Variants in ADGRL3 observed in about 807,000 individuals in gnomAD.
ADGRL3 encodes the protein adhesion G protein-coupled receptor L3, also known as calcium-independent alpha-latrotoxin receptor 3.
A neutral mutation model predicts 153.5 loss-of-function variants in ADGRL3; 62 were observed. The ratio of observed to expected loss-of-function variants is 0.40; its 90% CI spans 0.33 to 0.50. The LOEUF (loss-of-function observed/expected upper bound fraction) is 0.50. ADGRL3 is among the 20% of genes least tolerant of loss of function. The probability of loss-of-function intolerance (pLI) is 0.47; values close to 1 mark genes in which losing one functional copy is unlikely to be tolerated. For missense variants in ADGRL3, 1,641 were observed against 1,859.4 expected, an observed-to-expected ratio of 0.88 and a Z score of 2.16; for synonymous variants, 710 against 672.5, an observed-to-expected ratio of 1.06 and a Z score of -0.86.
chr4:62,073,719 G>A lies in ADGRL3; in HGVS notation c.*2811G>A, dbSNP rs1746339758. On this transcript the variant is annotated 3_prime_UTR_variant, in exon 27 of 27. Coordinates refer to ENST00000683033, the MANE Select transcript of ADGRL3 (RefSeq NM_001387552.1). ...CAAGCTCTACATAGACCAAACTGAAGAAAGATCACTTGAATACACAAACTG... is the reference window on the plus strand; with the variant it reads ...CAAGCTCTACATAGACCAAACTGAAAAAAGATCACTTGAATACACAAACTG... 6.6e-6 allele frequency: 1 copy of A among 152,030 alleles called. No individual in the cohort carries two copies. Among genetic ancestry groups the A allele is most frequent in the East Asian group, 1.9e-4 (1 of 5,156 alleles). 9.4% of individuals were successfully genotyped at this position (152,030 alleles called of 1,614,324 possible).
At chr4:61,598,977 G>T (rs1308572026) in intron 5 of ADGRL3, among the ~76,000 whole-genome samples, 1 of 152,124 alleles carries the variant, frequency 6.6e-6, no homozygotes, top group Non-Finnish European at 1.5e-5. Flanking sequence ...GGAAAACTTA[G>T]CTTTTGCTCT....
intron 25 of ADGRL3, among the ~76,000 whole-genome samples, chr4:62,064,340 A>G (rs903875583): frequency 1.3e-5 from 2 of 151,914 alleles, no homozygotes; most frequent in African/African-American, 4.8e-5. Context: ...TATCTCAGAA[A>G]AAAAAAAACC....
chr4:61,995,092 C>T (rs186949617), intron 19 of ADGRL3, among the ~76,000 whole-genome samples: 6 of 151,634 alleles, frequency 4.0e-5, no homozygotes, highest in Admixed American at 3.3e-4. Context: ...TTTGCAGACA[C>T]AAGGTTTTGC....
At chr4:61,294,246 C>T (rs2150213224) in intron 1 of ADGRL3, among the ~76,000 whole-genome samples, 1 of 152,234 alleles carries the variant, frequency 6.6e-6, no homozygotes, top group Middle Eastern at 3.4e-3. Flanking sequence ...CAGCTGAGTA[C>T]ATGTGTGGTG....
chr4:61,787,891 C>T (rs897994580), intron 8 of ADGRL3, among the ~76,000 whole-genome samples: 8 of 150,456 alleles, frequency 5.3e-5, no homozygotes, highest in Non-Finnish European at 8.8e-5. Flanking sequence ...AAACAGAGCA[C>T]ATAAATTAAA....
intron 9 of ADGRL3, among the ~76,000 whole-genome samples, chr4:61,838,402 G>A (rs1473343308): frequency 6.6e-6 from 1 of 152,142 alleles, no homozygotes; most frequent in Non-Finnish European, 1.5e-5. Flanking sequence ...AATGTTTATA[G>A]GATTTCTCAT....
chr4:61,282,653 T>G (rs1361050401), intron 1 of ADGRL3, among the ~76,000 whole-genome samples: 4 of 151,974 alleles, frequency 2.6e-5, no homozygotes, highest in Admixed American at 6.6e-5. Context: ...CTAAACATAG[T>G]AAATTCTTTC....
intron 5 of ADGRL3, among the ~76,000 whole-genome samples, chr4:61,611,804 C>G (rs978344161): frequency 5.3e-5 from 8 of 152,100 alleles, no homozygotes; most frequent in African/African-American, 1.7e-4. Flanking sequence ...GCCTATAGTC[C>G]TAGCTACTCA....
chr4:62,029,706 T>TG lies in ADGRL3; in HGVS notation c.3422+825_3422+826insG, dbSNP rs1188938800. Among the ~76,000 whole-genome samples, 8 of 20,416 alleles carry TG rather than the reference T, an allele frequency of 3.9e-4. No individual in the cohort carries two copies. The East Asian group carries it at 4.7e-3, about 12-fold the overall frequency. The allele number at this position is 20,416 out of a possible 152,430, so 13.4% of individuals were successfully genotyped here. On this transcript the variant is annotated intron_variant, in intron 22 of 26. Coordinates refer to ENST00000683033, the MANE Select transcript of ADGRL3 (RefSeq NM_001387552.1). Reference sequence around the variant, plus strand: ...GCTTCTGCTTTCCTTCTTTTGTTGTTTTTTTTTTTTTTTTAGAAATCGGGG... The same window carrying TG: ...GCTTCTGCTTTCCTTCTTTTGTTGTTGTTTTTTTTTTTTTTAGAAATCGGGG...
chr4:62,010,518 C>G (rs2099180644), intron 21 of ADGRL3, among the ~76,000 whole-genome samples: 1 of 152,078 alleles, frequency 6.6e-6, no homozygotes, highest in Admixed American at 6.6e-5. Flanking sequence ...AAATATCTCA[C>G]CCTACATTAT....
chr4:61,604,855 C>G (rs2099025759), intron 5 of ADGRL3, among the ~76,000 whole-genome samples: 1 of 151,936 alleles, frequency 6.6e-6, no homozygotes, highest in African/African-American at 2.4e-5. Context: ...CTTTGGGAGG[C>G]CGAGGTAGAT....
chr4:61,909,761 A>ATGTGTGTT lies in ADGRL3; in HGVS notation c.2073+23_2073+24insTTGTGTGT, dbSNP rs2098713215. The ATGTGTGTT allele has an allele frequency of 9.5e-7, 1 of 1,050,734 alleles. No individual in the cohort carries two copies. Among genetic ancestry groups the ATGTGTGTT allele is most frequent in the Non-Finnish European group, 1.3e-6 (1 of 762,504 alleles). The allele number at this position is 1,050,734 out of a possible 1,614,324, so 65.1% of individuals were successfully genotyped here. On this transcript the variant is annotated intron_variant, in intron 12 of 26. Transcript: ENST00000683033. ...TTTGAACAAGGTAAGGACCCTAATT[A>ATGTGTGTT]TGTGTGTGTGTGTGTGTGTGTGTGT...
rs566085350 is a variant in ADGRL3 at position 61,461,681 on chromosome 4, T to A, written c.-173-35440T>A. Among the ~76,000 whole-genome samples, 4 of 152,344 alleles carry A rather than the reference T, an allele frequency of 2.6e-5. No homozygotes were observed. In the East Asian group the frequency reaches 7.7e-4, roughly 29 times the overall value. On this transcript the variant is annotated intron_variant, in intron 2 of 26. Transcript: ENST00000683033. ...TTTAGTTTATCAGCTCATGTTCTATTGTGTATGAATTATATTTATAAACTC... is the reference window on the plus strand; with the variant it reads ...TTTAGTTTATCAGCTCATGTTCTATAGTGTATGAATTATATTTATAAACTC...
intron 3 of ADGRL3, among the ~76,000 whole-genome samples, chr4:61,508,016 A>G (rs951021522): frequency 2.6e-5 from 4 of 152,158 alleles, no homozygotes; most frequent in African/African-American, 9.6e-5. Context: ...ATTTTTTTGC[A>G]TTATGTTTAC....
At chr4:61,907,579 A>G (rs1480435358) in intron 11 of ADGRL3, among the ~76,000 whole-genome samples, 1 of 151,148 alleles carries the variant, frequency 6.6e-6, no homozygotes, top group Non-Finnish European at 1.5e-5. Flanking sequence ...ATGTATATAT[A>G]TGATATATAC....
chr4:61,830,001 C>A (rs2097851395), intron 9 of ADGRL3, among the ~76,000 whole-genome samples: 1 of 151,082 alleles, frequency 6.6e-6, no homozygotes, highest in African/African-American at 2.4e-5. Flanking sequence ...TCTCCCATCT[C>A]TACAAAAAAA....
intron 21 of ADGRL3, among the ~76,000 whole-genome samples, chr4:62,020,775 G>A (rs536883969): frequency 6.6e-6 from 1 of 151,946 alleles, no homozygotes; most frequent in Non-Finnish European, 1.5e-5. Flanking sequence ...GCACTTAGTA[G>A]AACATTGCCG....
chr4:61,240,504 C>T (rs1279801951), intron 1 of ADGRL3, among the ~76,000 whole-genome samples: 2 of 152,042 alleles, frequency 1.3e-5, no homozygotes, highest in African/African-American at 2.4e-5. Context: ...ATTTTTCTTT[C>T]AAATAAAGTA....
intron 8 of ADGRL3, among the ~76,000 whole-genome samples, chr4:61,760,736 C>T (rs954910222): frequency 6.6e-6 from 1 of 152,212 alleles, no homozygotes; most frequent in Non-Finnish European, 1.5e-5. Flanking sequence ...AATCACTCAT[C>T]TTCTGGGTCG....
Sources: allele counts gnomAD v4.1 joint callset (sites outside exome capture counted in the v4.1 genomes callset), GRCh38; gene constraint gnomAD v4.1.1; transcripts MANE v1.5; gene names NCBI Gene and HGNC (gene_info 2026-07-23, HGNC 2026-07-21).